Variants in CACNA1C observed in about 807,000 individuals in gnomAD.
The protein encoded by CACNA1C is voltage-dependent L-type calcium channel subunit alpha-1C.
CACNA1C carries 30 observed loss-of-function variants against 229.0 expected under a neutral mutation model. The ratio of observed to expected loss-of-function variants is 0.13; its 90% CI spans 0.10 to 0.18. The LOEUF (loss-of-function observed/expected upper bound fraction) is 0.18. CACNA1C is among the 10% of genes least tolerant of loss of function. CACNA1C has a pLI of 1.00. For missense variants in CACNA1C, 1,658 were observed against 2,845.0 expected (o/e 0.58, Z 9.49); for synonymous variants, 1,114 against 1,132.5 (o/e 0.98, Z 0.33).
chr12:2,316,529 C>A (rs2095699216), intron 3 of CACNA1C, among the ~76,000 whole-genome samples: 1 of 152,220 alleles, frequency 6.6e-6, no homozygotes, highest in Admixed American at 6.5e-5. Context: ...CAGTTAGTTA[C>A]TTGAGACTTT....
At chr12:2,119,682 C>T (rs2085635444) in intron 2 of CACNA1C, among the ~76,000 whole-genome samples, 1 of 152,188 alleles carries the variant, frequency 6.6e-6, no homozygotes, top group Non-Finnish European at 1.5e-5. Flanking sequence ...GGTTTCTATG[C>T]TGTCTGTGAG....
intron 3 of CACNA1C, among the ~76,000 whole-genome samples, chr12:2,266,882 C>A (rs548602249): frequency 6.6e-6 from 1 of 152,294 alleles, no homozygotes; most frequent in South Asian, 2.1e-4. Flanking sequence ...CTTACCTCTT[C>A]TGAGCTTTTC....
chr12:2,568,088 C>A (rs2052222174), intron 13 of CACNA1C, among the ~76,000 whole-genome samples: 1 of 152,172 alleles, frequency 6.6e-6, no homozygotes, highest in Non-Finnish European at 1.5e-5. Context: ...AGAAGAGGGT[C>A]AGGGACTCAA....
At chr12:2,173,221 A>G (rs1291070569) in intron 3 of CACNA1C, among the ~76,000 whole-genome samples, 1 of 152,192 alleles carries the variant, frequency 6.6e-6, no homozygotes, top group African/African-American at 2.4e-5. Context: ...GGGAGAAGTT[A>G]GGAAAGGGTT....
chr12:2,538,046 T>A (rs1021582104), intron 9 of CACNA1C, among the ~76,000 whole-genome samples: 2 of 150,940 alleles, frequency 1.3e-5, no homozygotes, highest in African/African-American at 4.9e-5. Context: ...GCCCTAATGG[T>A]GGAGAGAGAT....
At chr12:2,591,552 G>A (rs1284824292) in intron 18 of CACNA1C, among the ~76,000 whole-genome samples, 1 of 152,204 alleles carries the variant, frequency 6.6e-6, no homozygotes, top group East Asian at 1.9e-4. Context: ...CCTGGAGCGT[G>A]AGTACTCAGG....
rs1190809925 is a variant in CACNA1C at position 2,595,135 on chromosome 12, G to A, written c.2664-739G>A. 2.0e-5 allele frequency among the ~76,000 whole-genome samples: 3 copies of A among 152,188 alleles called. No individual in the cohort carries two copies. The highest frequency in any genetic ancestry group is 7.2e-5 in the African/African-American group (3 of 41,442). On this transcript the variant is annotated intron_variant, in intron 19 of 46. Coordinates refer to ENST00000399655, the MANE Select transcript of CACNA1C (RefSeq NM_000719.7). The surrounding 1 kb of genome is among the most constrained non-coding windows in gnomAD (Gnocchi z 4.1). ...GCTTCTGCAGCAGGAGGGCTTCTCA[G>A]AGCATTTAGTCAACCATAATGCCAG...
chr12:2,271,474 C>G (rs766952261), intron 3 of CACNA1C, among the ~76,000 whole-genome samples: 5 of 152,180 alleles, frequency 3.3e-5, no homozygotes, highest in African/African-American at 4.8e-5. Flanking sequence ...TGCCTGAGTT[C>G]AAGTCCTGGT....
chr12:2,553,639 C>T (rs1372278062), intron 10 of CACNA1C, among the ~76,000 whole-genome samples: 2 of 152,236 alleles, frequency 1.3e-5, no homozygotes, highest in East Asian at 1.9e-4. Context: ...GAGACAGCGG[C>T]GTGTCCCAGG....
intron 3 of CACNA1C, among the ~76,000 whole-genome samples, chr12:2,143,607 T>A (rs914637848): frequency 7.3e-5 from 11 of 151,256 alleles, no homozygotes; most frequent in African/African-American, 2.7e-4. Flanking sequence ...TAGCATACAG[T>A]CTGCGTGTGT....
Position 2,585,583 on chromosome 12 carries a change from AGAG to A in CACNA1C, c.2460+91_2460+93del, listed in dbSNP as rs1291716487. ...TTCCCAGGCCAGAACCCTGTGGAGA[AGAG>A]GAGAGAAAGAAAGACACCCAGTGGA... On this transcript the variant is annotated intron_variant, in intron 17 of 46. Transcript: ENST00000399655. The surrounding 1 kb of genome is among the most constrained non-coding windows in gnomAD (Gnocchi z 4.1). 2.8e-6 allele frequency: 4 copies of A among 1,420,314 alleles called. No individual in the cohort carries two copies. In the Admixed American group the frequency reaches 1.0e-4, roughly 37 times the overall value. The allele number at this position is 1,420,314 out of a possible 1,614,324, so 88.0% of individuals were successfully genotyped here.
At chr12:2,301,115 G>A (rs1013187742) in intron 3 of CACNA1C, among the ~76,000 whole-genome samples, 10 of 152,182 alleles carry the variant, frequency 6.6e-5, no homozygotes, top group Non-Finnish European at 1.0e-4. Flanking sequence ...TGCCCAGGAA[G>A]CCACAGGCAC....
chr12:2,460,146 C>T (rs1290121263), intron 5 of CACNA1C, among the ~76,000 whole-genome samples: 3 of 152,216 alleles, frequency 2.0e-5, no homozygotes, highest in Non-Finnish European at 4.4e-5. Context: ...GGAGCCCTCA[C>T]CTTCGGTGGT....
At chr12:2,080,542 A>T (rs1267994905) in intron 1 of CACNA1C, among the ~76,000 whole-genome samples, 1 of 151,808 alleles carries the variant, frequency 6.6e-6, no homozygotes, top group African/African-American at 2.4e-5. Flanking sequence ...CGGAGCTTGC[A>T]GTGAGCCAAG....
chr12:2,592,792 G>A (rs895953565), intron 18 of CACNA1C, among the ~76,000 whole-genome samples: 5 of 151,586 alleles, frequency 3.3e-5, no homozygotes, highest in African/African-American at 9.7e-5. Flanking sequence ...TTATTTGCAA[G>A]GGATTCCACA....
upstream of CACNA1C, among the ~76,000 whole-genome samples, chr12:2,052,882 C>T (rs181910852): frequency 0.016 from 2,322 of 143,976 alleles, 35 homozygotes; most frequent in South Asian, 0.027. Flanking sequence ...AGCGCGTCTG[C>T]CTCCGGCGCG....
chr12:2,155,674 C>T (rs1488592531), intron 3 of CACNA1C, among the ~76,000 whole-genome samples: 1 of 152,156 alleles, frequency 6.6e-6, no homozygotes, highest in African/African-American at 2.4e-5. Flanking sequence ...AAACTGACCA[C>T]CTCTTAGAAG....
intron 5 of CACNA1C, among the ~76,000 whole-genome samples, chr12:2,469,294 A>G (rs1243147177): frequency 1.3e-5 from 2 of 152,354 alleles, no homozygotes. Flanking sequence ...TCACTCAGAC[A>G]TGCCATTGAT....
intron 13 of CACNA1C, among the ~76,000 whole-genome samples, chr12:2,579,208 A>G (rs2059669000): frequency 6.6e-6 from 1 of 152,062 alleles, no homozygotes; most frequent in African/African-American, 2.4e-5. Context: ...AGTTGCAGTT[A>G]TTTCCCACAT....
Sources: gnomAD v4.1 joint callset for allele counts (sites outside exome capture counted in the v4.1 genomes callset) on GRCh38, gnomAD v4.1.1 for gene constraint, Gnocchi (gnomAD v3.1) non-coding constraint, MANE v1.5 for transcripts, NCBI Gene and HGNC (gene_info 2026-07-23, HGNC 2026-07-21) for gene names.